Variants in SYT1 observed in about 807,000 individuals in gnomAD.
The protein encoded by SYT1 is synaptotagmin 1, also known as synaptotagmin-1.
A neutral mutation model predicts 44.8 loss-of-function variants in SYT1; 8 were observed. The observed-to-expected ratio is 0.18, with a 90% CI of 0.10 to 0.32. SYT1 has a LOEUF of 0.32. Among genes scored for constraint, SYT1 ranks in the 10% least tolerant of loss-of-function variants. The probability of loss-of-function intolerance (pLI) is 1.00; values close to 1 mark genes in which losing one functional copy is unlikely to be tolerated. For synonymous variants in SYT1, 154 were observed against 188.8 expected, an observed-to-expected ratio of 0.82 and a Z score of 1.51; for missense variants, 286 against 509.3, an observed-to-expected ratio of 0.56 and a Z score of 4.22.
chr12:79,141,935 A>G (rs1464606261), intron 3 of SYT1, among the ~76,000 whole-genome samples: 2 of 152,234 alleles, frequency 1.3e-5, no homozygotes, highest in Non-Finnish European at 2.9e-5. Context: ...GCCCAAGTGC[A>G]TCAGAACCCT....
At position 79,256,104 on chromosome 12, in the gene SYT1, T is replaced by C. The variant is rs577038725; in HGVS notation, c.167-29683T>C. ...TGCAACCACTTGTGGCTTTGGAAAA[T>C]GACATATTTTGCAGTTTGAAAGCAT... On this transcript the variant is annotated intron_variant, in intron 4 of 10. Transcript: ENST00000261205. 2.6e-5 allele frequency among the ~76,000 whole-genome samples: 4 copies of C among 152,244 alleles called. No homozygotes were observed. The South Asian group carries it at 6.2e-4, about 24-fold the overall frequency.
chr12:79,089,565 G>A (rs1877630038), intron 3 of SYT1, among the ~76,000 whole-genome samples: 2 of 149,004 alleles, frequency 1.3e-5, no homozygotes, highest in Non-Finnish European at 3.0e-5. Flanking sequence ...TGAAATAACA[G>A]GCTCCATTGG....
At chr12:79,442,004 A>G (rs150935820) in intron 9 of SYT1, among the ~76,000 whole-genome samples, 39 of 152,350 alleles carry the variant, frequency 2.6e-4, no homozygotes, top group African/African-American at 7.0e-4. Context: ...ATCTGAAACT[A>G]TCTTGTTGGG....
chr12:79,099,104 G>C (rs1878306009), intron 3 of SYT1, among the ~76,000 whole-genome samples: 1 of 152,056 alleles, frequency 6.6e-6, no homozygotes, highest in Non-Finnish European at 1.5e-5. Context: ...GTTCAATCTT[G>C]GCAATGACAA....
intron 1 of SYT1, among the ~76,000 whole-genome samples, chr12:78,910,262 G>A (rs1238220658): frequency 6.6e-6 from 1 of 151,894 alleles, no homozygotes; most frequent in African/African-American, 2.4e-5. Flanking sequence ...TAAGTAAATG[G>A]ATGAGTGAAT....
intron 4 of SYT1, among the ~76,000 whole-genome samples, chr12:79,248,385 C>A (rs1876979162): frequency 6.6e-6 from 1 of 152,212 alleles, no homozygotes; most frequent in East Asian, 1.9e-4. Context: ...TTGTACCTGA[C>A]ATTCTTTAAA....
chr12:78,980,173 A>G (rs1044333969), intron 2 of SYT1, among the ~76,000 whole-genome samples: 1 of 151,900 alleles, frequency 6.6e-6, no homozygotes, highest in Non-Finnish European at 1.5e-5. Flanking sequence ...ATACACTCAA[A>G]TGAGAGTTAG....
At chr12:79,026,684 T>A (rs1044922957) in intron 2 of SYT1, among the ~76,000 whole-genome samples, 7 of 137,456 alleles carry the variant, frequency 5.1e-5, no homozygotes, top group African/African-American at 1.9e-4. Flanking sequence ...TATATATATA[T>A]ATATATATAT....
intron 2 of SYT1, among the ~76,000 whole-genome samples, chr12:79,035,866 C>T (rs1873095904): frequency 6.6e-6 from 1 of 151,368 alleles, no homozygotes; most frequent in South Asian, 2.1e-4. Context: ...CATCTTTGAA[C>T]CTCATGTGAT....
At chr12:78,997,814 C>T (rs562580148) in intron 2 of SYT1, among the ~76,000 whole-genome samples, 2 of 152,112 alleles carry the variant, frequency 1.3e-5, no homozygotes, top group Non-Finnish European at 2.9e-5. Context: ...GAGGTATCCC[C>T]TCACCCAGCA....
intron 9 of SYT1, among the ~76,000 whole-genome samples, chr12:79,403,445 A>T (rs543964102): frequency 3.3e-5 from 5 of 152,114 alleles, no homozygotes; most frequent in African/African-American, 1.2e-4. Context: ...TCTTCAGGGG[A>T]GGTCTTTTTT....
intron 3 of SYT1, among the ~76,000 whole-genome samples, chr12:79,068,231 C>T (rs1437503969): frequency 6.6e-5 from 10 of 152,146 alleles, no homozygotes; most frequent in Admixed American, 6.6e-4. Flanking sequence ...GTGGGCTAGA[C>T]AGCTCTATTT....
intron 4 of SYT1, among the ~76,000 whole-genome samples, chr12:79,237,752 T>A (rs1370100913): frequency 6.6e-6 from 1 of 152,208 alleles, no homozygotes; most frequent in Non-Finnish European, 1.5e-5. Context: ...TTCATCCTCA[T>A]CATCACCATT....
intron 4 of SYT1, among the ~76,000 whole-genome samples, chr12:79,227,706 C>T (rs987436988): frequency 6.6e-6 from 1 of 152,114 alleles, no homozygotes; most frequent in Non-Finnish European, 1.5e-5. Context: ...CTATCAGTTT[C>T]CTCCTATATA....
At chr12:78,939,016 G>C (rs1337689279) in intron 1 of SYT1, among the ~76,000 whole-genome samples, 2 of 152,268 alleles carry the variant, frequency 1.3e-5, no homozygotes, top group Admixed American at 6.5e-5. Flanking sequence ...GGAAGCATCT[G>C]TCATGCAGCC....
chr12:79,353,633 G>A lies in SYT1; in HGVS notation c.928+14G>A, dbSNP rs374503967. The stretch of plus-strand genomic sequence containing the variant: ...GTGGCTTATCCGGTAAGCCTGCAGT[G>A]TTTATTGATTTTTTTCAAATGCTGT... On this transcript the variant is annotated intron_variant, in intron 9 of 10. Transcript: ENST00000261205. 135 of 1,596,256 alleles carry A rather than the reference G, an allele frequency of 8.5e-5. 1 individual carries two copies. Among genetic ancestry groups the A allele is most frequent in the South Asian group, 5.2e-4 (47 of 90,676 alleles).
At chr12:79,074,412 C>T (rs1014590143) in intron 3 of SYT1, among the ~76,000 whole-genome samples, 3 of 152,110 alleles carry the variant, frequency 2.0e-5, no homozygotes, top group Non-Finnish European at 2.9e-5. Flanking sequence ...GAGGTTCTGC[C>T]TCCATCTTTG....
intron 3 of SYT1, among the ~76,000 whole-genome samples, chr12:79,184,903 TA>T (rs1317418616): frequency 6.6e-6 from 1 of 152,066 alleles, no homozygotes; most frequent in Non-Finnish European, 1.5e-5. Flanking sequence ...TATTTCTCTT[TA>T]AACTGGTAAA....
intron 2 of SYT1, among the ~76,000 whole-genome samples, chr12:78,983,603 A>T (rs1040840415): frequency 6.6e-6 from 1 of 152,082 alleles, no homozygotes; most frequent in Non-Finnish European, 1.5e-5. Context: ...ATTGTTTATA[A>T]ATTTTTCACA....
Sources: gnomAD v4.1 joint callset for allele counts (sites outside exome capture counted in the v4.1 genomes callset) on GRCh38, gnomAD v4.1.1 for gene constraint, MANE v1.5 for transcripts, NCBI Gene and HGNC (gene_info 2026-07-23, HGNC 2026-07-21) for gene names.